Variants in KALRN observed in about 807,000 individuals in gnomAD.
KALRN encodes kalirin RhoGEF kinase, also known as kalirin.
A neutral mutation model predicts 353.7 loss-of-function variants in KALRN; 70 were observed. The ratio of observed to expected loss-of-function variants is 0.20; its 90% CI spans 0.16 to 0.24. KALRN has a LOEUF of 0.24. KALRN is among the 10% of genes least tolerant of loss of function. The pLI is 1.00. For synonymous variants in KALRN, 1,391 were observed against 1,434.8 expected, an observed-to-expected ratio of 0.97 and a Z score of 0.69; for missense variants, 2,791 against 3,756.7, an observed-to-expected ratio of 0.74 and a Z score of 6.72.
At chr3:124,632,300 C>T in intron 34 of KALRN, 120 bp from the exon 35 acceptor site, 3 of 935,714 alleles carry the variant, frequency 3.2e-6, no homozygotes, top group Non-Finnish European at 5.0e-6. Context: ...CTGGGGTCTA[C>T]AGCTGGCCTG....
At chr3:124,408,244 T>C (rs2091790493) in intron 13 of KALRN, among the ~76,000 whole-genome samples, 1 of 152,232 alleles carries the variant, frequency 6.6e-6, no homozygotes, top group Admixed American at 6.5e-5. Flanking sequence ...AACTGAATTA[T>C]GGGTTTTGTT....
intron 3 of KALRN, among the ~76,000 whole-genome samples, chr3:124,237,983 T>C (rs1043885075): frequency 2.0e-5 from 3 of 152,142 alleles, no homozygotes; most frequent in Non-Finnish European, 4.4e-5. Context: ...CATTTTAGAA[T>C]AGATGATTAA....
chr3:124,455,066 G>C (rs1039809640), intron 21 of KALRN, 111 bp from the exon 22 acceptor site: 13 of 1,113,878 alleles, frequency 1.2e-5, no homozygotes, highest in Admixed American at 2.2e-5. Flanking sequence ...ACATACCCAG[G>C]TAGTCAGCTA....
chr3:124,063,055 C>T (rs2042093695), intron 1 of KALRN, among the ~76,000 whole-genome samples: 1 of 152,132 alleles, frequency 6.6e-6, no homozygotes, highest in African/African-American at 2.4e-5. Flanking sequence ...GATGACTGCT[C>T]AGAGTTAGAG....
At chr3:124,595,063 T>C (rs1472000941) in intron 34 of KALRN, among the ~76,000 whole-genome samples, 2 of 152,132 alleles carry the variant, frequency 1.3e-5, no homozygotes, top group African/African-American at 4.8e-5. Flanking sequence ...GATTTTTTTT[T>C]CTGAGAAAAA....
chr3:124,671,717 C>T lies in KALRN; in HGVS notation c.6761C>T (p.Ser2254Phe). ...GAAAGGAGCACAGCTGTGATGAGGT[C>T]TCAACCTGCCAGGCTTCCCCAAGCC... ...RKERSTAVMR[S>F]QPARLPQASP... The change falls in exon 48 of 60, where the codon TCT becomes TTT. Residue 2254 changes from serine to phenylalanine, a missense_variant. Coordinates refer to ENST00000682506, the MANE Select transcript of KALRN (RefSeq NM_001388419.1). The T allele has an allele frequency of 6.2e-7, 1 of 1,614,154 alleles. No individual in the cohort carries two copies. Among genetic ancestry groups the T allele is most frequent in the Non-Finnish European group, 8.5e-7 (1 of 1,180,028 alleles).
intron 48 of KALRN, among the ~76,000 whole-genome samples, chr3:124,674,156 A>G (rs2086863872): frequency 6.6e-6 from 1 of 152,100 alleles, no homozygotes; most frequent in African/African-American, 2.4e-5. Context: ...TTCACCCTGG[A>G]TGATAATATT....
At chr3:124,237,422 G>T (rs2079918785) in intron 3 of KALRN, among the ~76,000 whole-genome samples, 1 of 151,498 alleles carries the variant, frequency 6.6e-6, no homozygotes, top group African/African-American at 2.4e-5. Flanking sequence ...GAGTGCAGTG[G>T]CACAATCTCG....
intron 1 of KALRN, among the ~76,000 whole-genome samples, chr3:124,103,534 C>T (rs984238120): frequency 5.3e-5 from 8 of 152,088 alleles, no homozygotes; most frequent in African/African-American, 1.2e-4. Context: ...CAATTAGTAT[C>T]GTTGTTGTTA....
At chr3:124,259,055 A>G (rs2072468333) in intron 3 of KALRN, among the ~76,000 whole-genome samples, 1 of 152,248 alleles carries the variant, frequency 6.6e-6, no homozygotes, top group Admixed American at 6.5e-5. Flanking sequence ...TATTCAGGAA[A>G]AACTTGTAAG....
intron 19 of KALRN, among the ~76,000 whole-genome samples, chr3:124,442,281 T>C (rs1275027728): frequency 3.3e-5 from 5 of 152,224 alleles, no homozygotes; most frequent in Non-Finnish European, 7.3e-5. Context: ...TCCCCAAGTA[T>C]TTTCATTTAT....
intron 57 of KALRN, among the ~76,000 whole-genome samples, chr3:124,707,802 A>C (rs990119554): frequency 6.6e-6 from 1 of 152,210 alleles, no homozygotes; most frequent in African/African-American, 2.4e-5. Flanking sequence ...AAAAAGGGGC[A>C]CTTGGGAGAT....
chr3:124,086,460 T>C (rs946304528), intron 1 of KALRN, among the ~76,000 whole-genome samples: 1 of 152,062 alleles, frequency 6.6e-6, no homozygotes, highest in Non-Finnish European at 1.5e-5. Context: ...TTTTTATCAG[T>C]CATTTATATT....
chr3:124,220,438 A>G (rs890857405), intron 1 of KALRN, among the ~76,000 whole-genome samples: 1 of 150,546 alleles, frequency 6.6e-6, no homozygotes, highest in African/African-American at 2.4e-5. Context: ...CTAGCTCTTT[A>G]TCTCTTGCTC....
chr3:124,206,544 T>C (rs1172947133), intron 1 of KALRN, among the ~76,000 whole-genome samples: 3 of 152,200 alleles, frequency 2.0e-5, no homozygotes, highest in Non-Finnish European at 4.4e-5. Context: ...GTCACCACTA[T>C]GGATATAGGT....
intron 1 of KALRN, among the ~76,000 whole-genome samples, chr3:124,124,107 C>T (rs2064349675): frequency 6.6e-6 from 1 of 152,188 alleles, no homozygotes; most frequent in East Asian, 1.9e-4. Context: ...TCCTCTGATA[C>T]ATCTAGGTAA....
chr3:124,668,864 T>C (rs1202747695), intron 47 of KALRN, among the ~76,000 whole-genome samples: 1 of 152,200 alleles, frequency 6.6e-6, no homozygotes, highest in African/African-American at 2.4e-5. Context: ...TATATAAAAA[T>C]ATCTGTTTAA....
At chr3:124,163,126 C>A (rs1483306784) in intron 1 of KALRN, 1 of 152,198 alleles carries the variant, frequency 6.6e-6, no homozygotes, top group East Asian at 1.9e-4. Context: ...GCACTCTATT[C>A]TCTTGGTATC....
At chr3:124,541,078 T>A (rs1397219701) in intron 33 of KALRN, among the ~76,000 whole-genome samples, 1 of 152,202 alleles carries the variant, frequency 6.6e-6, no homozygotes, top group Non-Finnish European at 1.5e-5. Flanking sequence ...AAGCCGTCTT[T>A]GGCGACAGAA....
Sources: gnomAD v4.1 joint callset for allele counts (sites outside exome capture counted in the v4.1 genomes callset) on GRCh38, gnomAD v4.1.1 for gene constraint, MANE v1.5 for transcripts, NCBI Gene and HGNC (gene_info 2026-07-23, HGNC 2026-07-21) for gene names.